SLC25A37: variants seen among roughly 807,000 people sequenced by gnomAD.
SLC25A37 encodes the protein mitoferrin-1.
In SLC25A37, 17 loss-of-function variants were observed where a neutral mutation model predicts 31.0. That is an observed-to-expected ratio of 0.55 (90% CI 0.38 to 0.82). The LOEUF (loss-of-function observed/expected upper bound fraction) is 0.82. Ranked by LOEUF, SLC25A37 falls within the 40% of genes least tolerant of loss-of-function variation. The pLI is 0.00. For missense variants in SLC25A37, 404 were observed against 465.8 expected (o/e 0.87, Z 1.22); for synonymous variants, 222 against 193.0 (o/e 1.15, Z -1.24).
intron 1 of SLC25A37, among the ~76,000 whole-genome samples, chr8:23,558,487 G>T (rs1317272524): frequency 6.6e-6 from 1 of 152,156 alleles, no homozygotes; most frequent in African/African-American, 2.4e-5. Flanking sequence ...ACATGATCCC[G>T]CCAGCTCACC....
In SLC25A37 at chr8:23,572,840, T is replaced by C. The variant is rs1029011122; in HGVS notation, c.*985T>C. 6.6e-6 allele frequency: 1 copy of C among 152,204 alleles called. No homozygotes were observed. Among genetic ancestry groups the C allele is most frequent in the African/African-American group, 2.4e-5 (1 of 41,448 alleles). The allele number at this position is 152,204 out of a possible 1,614,324, so 9.4% of individuals were successfully genotyped here. A position where few individuals can be genotyped will look rare whatever the true frequency, so the allele number is the denominator to read the frequency against. Reference sequence around the variant, plus strand: ...AACCTGCTGAGACTGCTTCCTTCCCTGGTTGTGAGTGATGTGAATGCCTGC... The same window carrying C: ...AACCTGCTGAGACTGCTTCCTTCCCCGGTTGTGAGTGATGTGAATGCCTGC... On this transcript the variant is annotated 3_prime_UTR_variant, in exon 4 of 4. Coordinates refer to ENST00000519973, the MANE Select transcript of SLC25A37 (RefSeq NM_016612.4).
Position 23,571,795 on chromosome 8 carries a change from C to CT in SLC25A37, c.958dup (p.Tyr320LeufsTer2). The CT allele has an allele frequency of 6.2e-7, 1 of 1,613,878 alleles. No homozygotes were observed. The highest frequency in any genetic ancestry group is 8.5e-7 in the Non-Finnish European group (1 of 1,179,774). On this transcript the variant is annotated frameshift_variant, in exon 4 of 4. Transcript: ENST00000519973. LOFTEE classifies it high-confidence loss of function. ...CCTCCACCGCCATTTCTTGGTCTGT[C>CT]TATGAGTTCTTCAAGTACTTTCTCA...
In SLC25A37 at chr8:23,574,874, G is replaced by A. The variant is rs1802945534; in HGVS notation, c.*3019G>A. 6.5e-6 allele frequency: 1 copy of A among 153,826 alleles called. No individual in the cohort carries two copies. Among genetic ancestry groups the A allele is most frequent in the Non-Finnish European group, 1.5e-5 (1 of 68,294 alleles). The allele number at this position is 153,826 out of a possible 1,614,324, so 9.5% of individuals were successfully genotyped here. A position where few individuals can be genotyped will look rare whatever the true frequency, so the allele number is the denominator to read the frequency against. ...CATCTGCAGCCAGTTAGTGCCACCT[G>A]AGTACAGCACTCGTACTTTTACATG... On this transcript the variant is annotated 3_prime_UTR_variant, in exon 4 of 4. Transcript: ENST00000519973.
chr8:23,573,524 G>A lies in SLC25A37; in HGVS notation c.*1669G>A, dbSNP rs951915517. 12 of 263,242 alleles carry A rather than the reference G, an allele frequency of 4.6e-5. No individual in the cohort carries two copies. The highest frequency in any genetic ancestry group is 2.6e-4 in the African/African-American group (12 of 45,426). The allele number at this position is 263,242 out of a possible 1,614,324, so 16.3% of individuals were successfully genotyped here. ...GCCGCCACCCATCACGGTCAGCGTGGTGCATCTTACCGAGGAGGCGCAGGC... is the reference window on the plus strand; with the variant it reads ...GCCGCCACCCATCACGGTCAGCGTGATGCATCTTACCGAGGAGGCGCAGGC... On this transcript the variant is annotated 3_prime_UTR_variant, in exon 4 of 4. Transcript: ENST00000519973.
rs1178606260 is a variant in SLC25A37, at chr8:23,573,212, C to T, written c.*1357C>T. On this transcript the variant is annotated 3_prime_UTR_variant, in exon 4 of 4. Coordinates refer to ENST00000519973, the MANE Select transcript of SLC25A37 (RefSeq NM_016612.4). ...CTCATGCCCGAGTCGGAAGACCCCT[C>T]TCCAGAAGCCATTCTGCATCCTTGT... is the stretch of plus-strand genomic sequence containing the variant. 6.6e-6 allele frequency: 1 copy of T among 152,602 alleles called. No homozygotes were observed. The highest frequency in any genetic ancestry group is 1.5e-5 in the Non-Finnish European group (1 of 68,322). The allele number at this position is 152,602 out of a possible 1,614,324, so 9.5% of individuals were successfully genotyped here.
intron 1 of SLC25A37, among the ~76,000 whole-genome samples, chr8:23,561,818 G>A (rs1274072763): frequency 6.6e-6 from 1 of 152,246 alleles, no homozygotes; most frequent in African/African-American, 2.4e-5. Flanking sequence ...CTAGGGTGGT[G>A]TCTATGGATG....
rs8346 is a variant in SLC25A37, at chr8:23,572,023, G to A, written c.*168G>A. The A allele has an allele frequency of 0.014, 10,738 of 742,788 alleles. 855 individuals carry two copies. In the African/African-American group the frequency reaches 0.17, roughly 12 times the overall value. 46.0% of individuals were successfully genotyped at this position (742,788 alleles called of 1,614,324 possible). A position where few individuals can be genotyped will look rare whatever the true frequency, so the allele number is the denominator to read the frequency against. ...GGACGGCACGGCCGCTCACCGGAAG[G>A]CTGTGTGCGGGGACATCCGAGGTGG... On this transcript the variant is annotated 3_prime_UTR_variant, in exon 4 of 4. Transcript: ENST00000519973.
chr8:23,568,110 GTGGT>G, intron 2 of SLC25A37: 9 of 640,514 alleles, frequency 1.4e-5, no homozygotes, highest in East Asian at 5.7e-5. Context: ...AGATTAAAAT[GTGGT>G]TGAGTGTGCC....
chr8:23,571,718 G>A lies in SLC25A37; in HGVS notation c.880G>A (p.Gly294Ser), dbSNP rs1802851192. Residue 294 changes from glycine to serine, a missense_variant, in exon 4 of 4, where the codon GGC (glycine) becomes AGC (serine). Coordinates refer to ENST00000519973, the MANE Select transcript of SLC25A37 (RefSeq NM_016612.4). ...NAFRTVYQLN[G>S]LAGYFKGIQA... ...CTTCCGGACGGTGTACCAGCTCAAC[G>A]GCCTGGCCGGCTACTTCAAAGGCAT... 1 of 1,614,008 alleles carries A rather than the reference G, an allele frequency of 6.2e-7. No individual in the cohort carries two copies. Among genetic ancestry groups the A allele is most frequent in the Non-Finnish European group, 8.5e-7 (1 of 1,179,896 alleles).
chr8:23,544,021 C>T (rs10866828), intron 1 of SLC25A37, among the ~76,000 whole-genome samples: 57,871 of 151,620 alleles, frequency 0.38, 12,617 homozygotes, highest in East Asian at 0.62. Flanking sequence ...CCACCACGCC[C>T]GGCTAATTTT....
intron 1 of SLC25A37, among the ~76,000 whole-genome samples, chr8:23,551,630 C>T (rs1259540854): frequency 2.0e-5 from 3 of 151,684 alleles, no homozygotes; most frequent in Non-Finnish European, 2.9e-5. Context: ...GTCCACCAGA[C>T]CCCATGCAAA....
At chr8:23,549,003 T>C (rs1319119954) in intron 1 of SLC25A37, among the ~76,000 whole-genome samples, 4 of 152,140 alleles carry the variant, frequency 2.6e-5, no homozygotes, top group African/African-American at 9.7e-5. Flanking sequence ...TCCCCAAATC[T>C]AAATGAGGTC....
At chr8:23,546,593 ATATAGTGTATGTGTG>A (rs1563256292) in intron 1 of SLC25A37, among the ~76,000 whole-genome samples, 1 of 110,130 alleles carries the variant, frequency 9.1e-6, no homozygotes, top group African/African-American at 4.8e-5. Context: ...GTGTATATAT[ATATAGTGTATGTGTG>A]TGTGTGTGTG....
chr8:23,545,963 C>T (rs1378499985), intron 1 of SLC25A37, among the ~76,000 whole-genome samples: 1 of 152,072 alleles, frequency 6.6e-6, no homozygotes, highest in Non-Finnish European at 1.5e-5. Context: ...GGTGAAACCC[C>T]GTCTCAACTA....
At position 23,546,531 on chromosome 8, in the gene SLC25A37, GTATA is replaced by G. The variant is rs1251864600; in HGVS notation, c.210+17338_210+17341del. ...TATATAGGTATATATATATATAGGT[GTATA>G]TATATATATATATATATAGTGTATA... On this transcript the variant is annotated intron_variant, in intron 1 of 3. Coordinates refer to ENST00000519973, the MANE Select transcript of SLC25A37 (RefSeq NM_016612.4). Among the ~76,000 whole-genome samples, 167 of 36,428 alleles carry G rather than the reference GTATA, an allele frequency of 4.6e-3. 1 individual carries two copies. The highest frequency in any genetic ancestry group is 0.019 in the Middle Eastern group (1 of 52). 23.9% of individuals were successfully genotyped at this position (36,428 alleles called of 152,430 possible).
intron 1 of SLC25A37, among the ~76,000 whole-genome samples, chr8:23,552,632 C>T (rs1373494134): frequency 3.3e-5 from 5 of 152,156 alleles, no homozygotes; most frequent in African/African-American, 9.7e-5. Context: ...TATCCCAACC[C>T]CTTCCCCATG....
chr8:23,546,531 G>GTATATATATATATATATATATATAGTGTA (rs1251864600), intron 1 of SLC25A37, among the ~76,000 whole-genome samples: 26 of 36,432 alleles, frequency 7.1e-4, no homozygotes, highest in African/African-American at 2.7e-3. Flanking sequence ...ATATATAGGT[G>GTATATATATATATATATATATATAGTGTA]TATATATATA....
At chr8:23,564,604 ATCT>A (rs1189980764) in intron 1 of SLC25A37, among the ~76,000 whole-genome samples, 5 of 145,826 alleles carry the variant, frequency 3.4e-5, no homozygotes, top group African/African-American at 1.3e-4. Context: ...GCCATGGTGG[ATCT>A]TCTACTTGGC....
At chr8:23,537,195 C>CAA (rs71550712) in intron 1 of SLC25A37, among the ~76,000 whole-genome samples, 1,818 of 117,164 alleles carry the variant, frequency 0.016, 28 homozygotes, top group African/African-American at 0.023. Context: ...GACCCTGTCT[C>CAA]AAAAAAAAAA....
Sources: allele counts gnomAD v4.1 joint callset (sites outside exome capture counted in the v4.1 genomes callset), GRCh38; gene constraint gnomAD v4.1.1; transcripts MANE v1.5; gene names NCBI Gene and HGNC (gene_info 2026-07-23, HGNC 2026-07-21).